FHIT: variants seen among roughly 807,000 people sequenced by gnomAD.
FHIT encodes the protein fragile histidine triad diadenosine triphosphatase, also known as bis(5'-adenosyl)-triphosphatase.
In FHIT, 19 loss-of-function variants were observed where a neutral mutation model predicts 17.9. The observed-to-expected ratio is 1.06, with a 90% CI of 0.74 to 1.56. FHIT has a LOEUF of 1.56. Among genes scored for constraint, FHIT ranks in the 40% most tolerant of loss-of-function variants. The pLI is 0.00. For synonymous variants in FHIT, 81 were observed against 69.7 expected, an observed-to-expected ratio of 1.16 and a Z score of -0.81; for missense variants, 248 against 189.2, an observed-to-expected ratio of 1.31 and a Z score of -1.82.
chr3:59,908,762 G>A (rs1028772250), intron 8 of FHIT, among the ~76,000 whole-genome samples: 1 of 147,462 alleles, frequency 6.8e-6, no homozygotes, highest in African/African-American at 2.5e-5. Context: ...AACTTGCTGA[G>A]CAAAACCTGG....
intron 5 of FHIT, among the ~76,000 whole-genome samples, chr3:60,243,603 G>A (rs759673604): frequency 2.6e-4 from 39 of 152,032 alleles, no homozygotes; most frequent in Non-Finnish European, 4.9e-4. Context: ...GAAGATAGAG[G>A]CAACGGCTCT....
At chr3:59,944,134 C>G (rs1044666762) in intron 7 of FHIT, among the ~76,000 whole-genome samples, 2 of 152,176 alleles carry the variant, frequency 1.3e-5, no homozygotes, top group African/African-American at 4.8e-5. Context: ...CAAAATAGTA[C>G]AGAGAGATCC....
intron 5 of FHIT, among the ~76,000 whole-genome samples, chr3:60,129,634 A>G (rs1699445297): frequency 6.6e-6 from 1 of 152,176 alleles, no homozygotes; most frequent in Admixed American, 6.6e-5. Flanking sequence ...TAAGTCTACT[A>G]TAAGTGAATT....
In FHIT at chr3:60,438,206, T is replaced by A. The variant is rs560450742; in HGVS notation, c.103+98654A>T. ...ACTTCCCCTGGAGGGAGCATGCACATGTGATTTCACCTGTCCTCAGACTGA... is the reference window on the plus strand; with the variant it reads ...ACTTCCCCTGGAGGGAGCATGCACAAGTGATTTCACCTGTCCTCAGACTGA... On this transcript the variant is annotated intron_variant, in intron 5 of 9. Coordinates refer to ENST00000492590, the MANE Select transcript of FHIT (RefSeq NM_002012.4). Among the ~76,000 whole-genome samples the A allele has an allele frequency of 2.0e-5, 3 of 152,164 alleles. No homozygotes were observed. The East Asian group carries it at 5.8e-4, about 30-fold the overall frequency.
At chr3:60,332,380 T>G (rs1359053631) in intron 5 of FHIT, among the ~76,000 whole-genome samples, 1 of 152,198 alleles carries the variant, frequency 6.6e-6, no homozygotes, top group Non-Finnish European at 1.5e-5. Flanking sequence ...GAGTATCTGC[T>G]CAGACACTAG....
chr3:60,702,684 G>C (rs2041276850), intron 4 of FHIT, among the ~76,000 whole-genome samples: 1 of 152,086 alleles, frequency 6.6e-6, no homozygotes, highest in African/African-American at 2.4e-5. Context: ...ACAGTGAAGA[G>C]AGTATCATTT....
At position 60,962,778 on chromosome 3, in the gene FHIT, C is replaced by T. The variant is rs782011247; in HGVS notation, c.-111+79269G>A. The stretch of plus-strand genomic sequence containing the variant: ...CCAGCCTTGCATCCCAGGGATGAAG[C>T]CAACTTGATCGTGGTGGATAAGCTT... On this transcript the variant is annotated intron_variant, in intron 3 of 9. Coordinates refer to ENST00000492590, the MANE Select transcript of FHIT (RefSeq NM_002012.4). 3.3e-5 allele frequency among the ~76,000 whole-genome samples: 5 copies of T among 152,292 alleles called. No individual in the cohort carries two copies. The South Asian group carries it at 1.0e-3, about 32-fold the overall frequency.
intron 5 of FHIT, among the ~76,000 whole-genome samples, chr3:60,441,782 A>AT (rs2030873727): frequency 5.9e-4 from 6 of 10,198 alleles, no homozygotes; most frequent in African/African-American, 9.9e-4. Flanking sequence ...ATATGTATAA[A>AT]AATATATATA....
intron 5 of FHIT, among the ~76,000 whole-genome samples, chr3:60,530,335 C>T (rs912461131): frequency 1.3e-5 from 2 of 152,122 alleles, no homozygotes; most frequent in African/African-American, 4.8e-5. Context: ...AACAGTGTTT[C>T]GTGGGTATGT....
chr3:61,002,615 C>T (rs2031172138), intron 3 of FHIT, among the ~76,000 whole-genome samples: 1 of 152,148 alleles, frequency 6.6e-6, no homozygotes, highest in East Asian at 1.9e-4. Context: ...ATTCCCTCTC[C>T]CTATCCCCCA....
intron 5 of FHIT, among the ~76,000 whole-genome samples, chr3:60,100,679 G>A (rs1704155114): frequency 6.6e-6 from 1 of 152,036 alleles, no homozygotes; most frequent in African/African-American, 2.4e-5. Flanking sequence ...AGGGGCTCGA[G>A]GACAAAGTTT....
intron 5 of FHIT, among the ~76,000 whole-genome samples, chr3:60,440,233 G>C (rs145652871): frequency 2.1e-4 from 32 of 152,098 alleles, no homozygotes; most frequent in African/African-American, 7.5e-4. Flanking sequence ...ACAAGTAACT[G>C]GTATCTTCCC....
At chr3:60,241,089 T>C (rs1053940330) in intron 5 of FHIT, among the ~76,000 whole-genome samples, 2 of 152,128 alleles carry the variant, frequency 1.3e-5, no homozygotes, top group African/African-American at 4.8e-5. Flanking sequence ...CTTGCAACAG[T>C]TTTTAGGAAA....
chr3:60,888,849 G>T (rs745783335), intron 3 of FHIT, among the ~76,000 whole-genome samples: 4 of 152,250 alleles, frequency 2.6e-5, no homozygotes, highest in Middle Eastern at 3.4e-3. Flanking sequence ...CAGATCTTTT[G>T]TATCCATCAC....
At chr3:60,449,854 T>C (rs2031603328) in intron 5 of FHIT, among the ~76,000 whole-genome samples, 2 of 151,308 alleles carry the variant, frequency 1.3e-5, no homozygotes, top group Non-Finnish European at 2.9e-5. Flanking sequence ...AATACGAAAA[T>C]TAGCTAGGTC....
chr3:60,301,726 A>T (rs974412749), intron 5 of FHIT, among the ~76,000 whole-genome samples: 12 of 152,160 alleles, frequency 7.9e-5, no homozygotes, highest in Non-Finnish European at 1.8e-4. Context: ...ATAAACATTG[A>T]AAATTTTACA....
chr3:60,115,197 T>G (rs1352865126), intron 5 of FHIT, among the ~76,000 whole-genome samples: 1 of 152,064 alleles, frequency 6.6e-6, no homozygotes, highest in Admixed American at 6.6e-5. Context: ...AATTAAAACT[T>G]TCAGCTCCCC....
At chr3:61,187,769 T>C (rs2038566657) in intron 2 of FHIT, among the ~76,000 whole-genome samples, 1 of 152,182 alleles carries the variant, frequency 6.6e-6, no homozygotes, top group Admixed American at 6.5e-5. Context: ...AACTGAGGAT[T>C]AAGAAACTCA....
rs566640559 is a variant in FHIT at position 61,006,258 on chromosome 3, G to T, written c.-111+35789C>A. Among the ~76,000 whole-genome samples, 17 of 152,234 alleles carry T rather than the reference G, an allele frequency of 1.1e-4. No homozygotes were observed. In the South Asian group the frequency reaches 3.5e-3, roughly 32 times the overall value. On this transcript the variant is annotated intron_variant, in intron 3 of 9. Transcript: ENST00000492590. The stretch of plus-strand genomic sequence containing the variant: ...TCTCAAATATGGGATTTGACATTAA[G>T]ATGCCAAAAGAAGACTCAGAAGGTA...
Sources: gnomAD v4.1 joint callset for allele counts (sites outside exome capture counted in the v4.1 genomes callset) on GRCh38, gnomAD v4.1.1 for gene constraint, MANE v1.5 for transcripts, NCBI Gene and HGNC (gene_info 2026-07-23, HGNC 2026-07-21) for gene names.